The following LIPK variants were observed in gnomAD, a reference collection of about 807,000 sequenced individuals.
LIPK encodes the protein lipase family member K.
LIPK carries 32 observed loss-of-function variants against 48.6 expected under a neutral mutation model. The observed-to-expected ratio is 0.66, with a 90% CI of 0.50 to 0.88. The LOEUF (loss-of-function observed/expected upper bound fraction) is 0.88. LIPK is among the 40% of genes least tolerant of loss of function. LIPK has a pLI of 0.00. For missense variants in LIPK, 507 were observed against 478.5 expected (o/e 1.06, Z -0.56); for synonymous variants, 164 against 157.4 (o/e 1.04, Z -0.32).
intron 8 of LIPK, among the ~76,000 whole-genome samples, chr10:88,742,410 G>T (rs535181020): frequency 6.6e-6 from 1 of 152,250 alleles, no homozygotes; most frequent in African/African-American, 2.4e-5. Context: ...GGACTAAATT[G>T]GTAAGTGGGA....
At chr10:88,736,141 A>T (rs143283703) in intron 6 of LIPK, among the ~76,000 whole-genome samples, 1 of 151,992 alleles carries the variant, frequency 6.6e-6, no homozygotes, top group African/African-American at 2.4e-5. Context: ...GGAGCCAGGG[A>T]AAAAGGAAGG....
rs531681366 is a variant in LIPK, at chr10:88,726,910, C to T, written c.221C>T (p.Thr74Ile). 2.1e-5 allele frequency: 32 copies of T among 1,528,074 alleles called. No individual in the cohort carries two copies. The highest frequency in any genetic ancestry group is 2.3e-5 in the Non-Finnish European group (26 of 1,108,836). The allele number at this position is 1,528,074 out of a possible 1,614,324, so 94.7% of individuals were successfully genotyped here. A position where few individuals can be genotyped will look rare whatever the true frequency, so the allele number is the denominator to read the frequency against. The change falls in exon 3 of 10, where the codon ACA becomes ATA. Residue 74 changes from threonine (T) to isoleucine (I), a missense_variant and splice_region_variant. Thr to Ile is a moderately conservative substitution (Grantham distance 89, BLOSUM62 -1). Transcript: ENST00000404190. ...CATGGAAGAGGATGCCCAGGGAGGACAGGTATTATTTATTTTGTTATGAAA... is the reference window on the plus strand; with the variant it reads ...CATGGAAGAGGATGCCCAGGGAGGATAGGTATTATTTATTTTGTTATGAAA... ...IPHGRGCPGR[T>I]APKPAVYLQH...
At chr10:88,751,177 G>A (rs1000887803) in intron 9 of LIPK, among the ~76,000 whole-genome samples, 4 of 151,936 alleles carry the variant, frequency 2.6e-5, no homozygotes. Flanking sequence ...CCAGATCTAC[G>A]AAAACTTTTA....
intron 2 of LIPK, among the ~76,000 whole-genome samples, chr10:88,725,746 A>G (rs1324135322): frequency 2.0e-5 from 3 of 152,226 alleles, no homozygotes; most frequent in Non-Finnish European, 4.4e-5. Flanking sequence ...CTCTACGCAG[A>G]AGATACCAGT....
intron 6 of LIPK, among the ~76,000 whole-genome samples, chr10:88,733,171 C>T (rs536404191): frequency 1.3e-5 from 2 of 152,192 alleles, no homozygotes; most frequent in Non-Finnish European, 2.9e-5. Flanking sequence ...AATGCCCAAC[C>T]TTGTTTCATT....
chr10:88,750,467 C>T (rs1409379048), intron 9 of LIPK, among the ~76,000 whole-genome samples: 1 of 152,090 alleles, frequency 6.6e-6, no homozygotes, highest in East Asian at 1.9e-4. Flanking sequence ...TACTATGCAG[C>T]TATTGAAAAG....
intron 1 of LIPK, among the ~76,000 whole-genome samples, chr10:88,716,642 C>A (rs1554953778): frequency 6.6e-6 from 1 of 152,122 alleles, no homozygotes; most frequent in African/African-American, 2.4e-5. Flanking sequence ...CAGGCATGAG[C>A]CACTGAGCCT....
intron 9 of LIPK, among the ~76,000 whole-genome samples, chr10:88,750,810 T>G (rs1419382858): frequency 5.9e-5 from 9 of 152,030 alleles, no homozygotes; most frequent in African/African-American, 2.2e-4. Flanking sequence ...AAATAAAAGT[T>G]GGAAGGGGAA....
chr10:88,722,845 T>C (rs1307763254), intron 1 of LIPK, among the ~76,000 whole-genome samples: 1 of 151,742 alleles, frequency 6.6e-6, no homozygotes, highest in Non-Finnish European at 1.5e-5. Context: ...ATGAGGACAA[T>C]ATTTCCCATC....
rs148709858 is a variant in LIPK at position 88,719,253 on chromosome 10, GTTA to G, written c.-11-5275_-11-5273del. On this transcript the variant is annotated intron_variant, in intron 1 of 9. Transcript: ENST00000404190. ...TCTTAAGCCAACCCTACACGTAGGT[GTTA>G]TTATCCTCACCATACAGATAAGAAA... 6.3e-3 allele frequency among the ~76,000 whole-genome samples: 965 copies of G among 152,308 alleles called. 11 individuals are homozygous for G. Among genetic ancestry groups the G allele is most frequent in the African/African-American group, 0.022 (898 of 41,572 alleles).
At position 88,735,594 on chromosome 10, in the gene LIPK, T is replaced by C. The variant is rs776311700; in HGVS notation, c.670-2041T>C. Among the ~76,000 whole-genome samples, 79 of 152,252 alleles carry C rather than the reference T, an allele frequency of 5.2e-4. 2 individuals are homozygous for C. The highest frequency in any genetic ancestry group is 1.5e-5 in the Non-Finnish European group (1 of 68,042). ...AAGGGTGACCAGCTCAGTGGGTTGT[T>C]GAGGACTGAAACCAGCCCATGTTCT... On this transcript the variant is annotated intron_variant, in intron 6 of 9. Transcript: ENST00000404190.
intron 1 of LIPK, among the ~76,000 whole-genome samples, chr10:88,709,542 C>T (rs961254678): frequency 6.6e-6 from 1 of 151,954 alleles, no homozygotes; most frequent in Admixed American, 6.6e-5. Context: ...ATTTTTGTTC[C>T]TGTTAGCTGG....
At chr10:88,708,947 A>T (rs1327639311) in intron 1 of LIPK, among the ~76,000 whole-genome samples, 1 of 152,160 alleles carries the variant, frequency 6.6e-6, no homozygotes. Flanking sequence ...TTTTGTAAAA[A>T]GTTTTTAATG....
chr10:88,730,931 G>T, intron 3 of LIPK, 52 bp from the exon 4 acceptor site: 1 of 1,426,124 alleles, frequency 7.0e-7, no homozygotes, highest in Non-Finnish European at 9.4e-7. Context: ...GATTTTTCTT[G>T]TAGACACTGA....
At chr10:88,710,153 T>G (rs1842002649) in intron 1 of LIPK, among the ~76,000 whole-genome samples, 1 of 152,018 alleles carries the variant, frequency 6.6e-6, no homozygotes, top group Non-Finnish European at 1.5e-5. Context: ...TAGTTTATTT[T>G]AAAATTCTCT....
intron 3 of LIPK, among the ~76,000 whole-genome samples, chr10:88,730,497 A>G (rs1842442720): frequency 6.6e-6 from 1 of 152,044 alleles, no homozygotes; most frequent in Non-Finnish European, 1.5e-5. Flanking sequence ...TCACTGTGTT[A>G]GCCAGGATGG....
At chr10:88,746,869 G>T (rs1223314143) in intron 9 of LIPK, among the ~76,000 whole-genome samples, 9 of 152,110 alleles carry the variant, frequency 5.9e-5, no homozygotes, top group Admixed American at 5.2e-4. Flanking sequence ...TAGACTGCTA[G>T]CTAGACTAAT....
intron 1 of LIPK, among the ~76,000 whole-genome samples, chr10:88,723,032 AT>A (rs1293036258): frequency 6.6e-6 from 1 of 151,740 alleles, no homozygotes; most frequent in African/African-American, 2.4e-5. Context: ...CTACAGGTGC[AT>A]GCCACCATGG....
intron 1 of LIPK, among the ~76,000 whole-genome samples, chr10:88,706,565 A>AT (rs1841939383): frequency 1.3e-5 from 2 of 152,130 alleles, no homozygotes; most frequent in African/African-American, 4.8e-5. Flanking sequence ...ACTATATTTG[A>AT]ACCTCAGTGA....
Sources: gnomAD v4.1 joint callset for allele counts (sites outside exome capture counted in the v4.1 genomes callset) on GRCh38, gnomAD v4.1.1 for gene constraint, MANE v1.5 for transcripts, NCBI Gene and HGNC (gene_info 2026-07-23, HGNC 2026-07-21) for gene names.